Variants in ELOVL4 observed in about 807,000 individuals in gnomAD.
ELOVL4 encodes the protein very long chain fatty acid elongase 4.
In ELOVL4, 18 loss-of-function variants were observed where a neutral mutation model predicts 42.1. That is an observed-to-expected ratio of 0.43 (90% CI 0.30 to 0.63). The LOEUF (loss-of-function observed/expected upper bound fraction) is 0.63. ELOVL4 is among the 30% of genes least tolerant of loss of function. The pLI is 0.15. For synonymous variants in ELOVL4, 117 were observed against 127.0 expected, an observed-to-expected ratio of 0.92 and a Z score of 0.53; for missense variants, 299 against 376.2, an observed-to-expected ratio of 0.79 and a Z score of 1.70.
Position 79,932,232 on chromosome 6 carries a change from G to A in ELOVL4, c.101-5851C>T, listed in dbSNP as rs146834776. 2.5e-3 allele frequency among the ~76,000 whole-genome samples: 376 copies of A among 152,148 alleles called. 3 individuals are homozygous for A. Among genetic ancestry groups the A allele is most frequent in the Non-Finnish European group, 1.9e-3 (128 of 67,992 alleles). On this transcript the variant is annotated intron_variant, in intron 1 of 5. Transcript: ENST00000369816. ...AAAAGGAGTCAATTTTACTATTTGC[G>A]TATTATTCCTTTATAAAAAATGAGG... is the stretch of plus-strand genomic sequence containing the variant.
rs1342503645 is a variant in ELOVL4 at position 79,915,138 on chromosome 6, A to G, written c.*1470T>C. On this transcript the variant is annotated 3_prime_UTR_variant, in exon 6 of 6. Coordinates refer to ENST00000369816, the MANE Select transcript of ELOVL4 (RefSeq NM_022726.4). ...CATGCAGCTTTGACATGTTGTTGAG[A>G]TACTTAAGAAATATTCATGCTTTTT... 1 of 152,474 alleles carries G rather than the reference A, an allele frequency of 6.6e-6. No individual in the cohort carries two copies. The highest frequency in any genetic ancestry group is 1.5e-5 in the Non-Finnish European group (1 of 68,002). 9.4% of individuals were successfully genotyped at this position (152,474 alleles called of 1,614,324 possible).
intron 3 of ELOVL4, among the ~76,000 whole-genome samples, chr6:79,924,215 A>C (rs774792038): frequency 2.0e-5 from 3 of 152,174 alleles, no homozygotes; most frequent in Non-Finnish European, 4.4e-5. Context: ...ATGCCAATAC[A>C]AATTGTTCTA....
At chr6:79,940,689 A>C (rs1057034342) in intron 1 of ELOVL4, among the ~76,000 whole-genome samples, 3 of 152,216 alleles carry the variant, frequency 2.0e-5, no homozygotes, top group African/African-American at 7.2e-5. Flanking sequence ...CAACCCTCTC[A>C]CAGCACAGGT....
intron 1 of ELOVL4, among the ~76,000 whole-genome samples, chr6:79,929,411 TTG>T: frequency 6.6e-6 from 1 of 152,220 alleles, no homozygotes; most frequent in East Asian, 1.9e-4. Context: ...CTATTACTTT[TTG>T]TATTTTTTGT....
chr6:79,916,656 C>A lies in ELOVL4; in HGVS notation c.897G>T (p.Met299Ile), dbSNP rs1774166232. 1 of 1,614,126 alleles carries A rather than the reference C, an allele frequency of 6.2e-7. No homozygotes were observed. Among genetic ancestry groups the A allele is most frequent in the East Asian group, 2.2e-5 (1 of 44,880 alleles). Reference sequence around the variant, plus strand: ...TTTTCTGCTTTTTTCCATTTTCTATCATGAGTTGTTTTTCTGATTTGCTCA... The same window carrying A: ...TTTTCTGCTTTTTTCCATTTTCTATAATGAGTTGTTTTTCTGATTTGCTCA... ...NGVSKSEKQL[M>I]IENGKKQKNG... is the part of the protein sequence containing the mutation. Residue 299 changes from methionine to isoleucine, a missense_variant, in exon 6 of 6, where the codon ATG (methionine) becomes ATT (isoleucine). By Grantham distance (10) the Met-to-Ile change is conservative. Transcript: ENST00000369816.
chr6:79,921,978 GA>G (rs1246333916), intron 3 of ELOVL4, among the ~76,000 whole-genome samples, 182 bp from the exon 4 acceptor site: 1 of 152,140 alleles, frequency 6.6e-6, no homozygotes, highest in Non-Finnish European at 1.5e-5. Context: ...AAATAGAAAA[GA>G]AAGAGTCCAA....
chr6:79,937,974 C>A (rs1774575712), intron 1 of ELOVL4, among the ~76,000 whole-genome samples: 1 of 152,184 alleles, frequency 6.6e-6, no homozygotes, highest in Non-Finnish European at 1.5e-5. Context: ...AATGATCCAC[C>A]CGCCTCGGCC....
rs762319799 is a variant in ELOVL4 at position 79,926,374 on chromosome 6, A to G, written c.108T>C (p.Arg36=). 51 of 1,613,654 alleles carry G rather than the reference A, an allele frequency of 3.2e-5. No individual in the cohort carries two copies. Among genetic ancestry groups the G allele is most frequent in the Middle Eastern group, 1.6e-4 (1 of 6,082 alleles). Residue 36 remains arginine (R), a synonymous_variant, in exon 2 of 6, where the codon CGT becomes CGC. Transcript: ENST00000369816. ...ACTGCATCAGAGGCCAATTTTCCAC[A>G]CGCTTATCTATAGAGAGAACAAAAT... ...YRWTWSIADK[R]VENWPLMQSP...
At chr6:79,917,754 G>A (rs573830160) in intron 5 of ELOVL4, among the ~76,000 whole-genome samples, 1 of 152,230 alleles carries the variant, frequency 6.6e-6, no homozygotes, top group East Asian at 1.9e-4. Flanking sequence ...CCAGGAGGCG[G>A]AAGTTACAGT....
At chr6:79,923,225 T>C (rs1006325663) in intron 3 of ELOVL4, among the ~76,000 whole-genome samples, 1 of 151,686 alleles carries the variant, frequency 6.6e-6, no homozygotes, top group Non-Finnish European at 1.5e-5. Flanking sequence ...CAGAAATGAG[T>C]CTCTGCGTAA....
intron 1 of ELOVL4, among the ~76,000 whole-genome samples, chr6:79,936,404 A>T (rs919650353): frequency 2.0e-4 from 30 of 152,128 alleles, no homozygotes; most frequent in South Asian, 4.1e-4. Context: ...CAAAAAGGTT[A>T]CCTATTAGTA....
At chr6:79,938,775 G>T (rs903255495) in intron 1 of ELOVL4, among the ~76,000 whole-genome samples, 1 of 152,074 alleles carries the variant, frequency 6.6e-6, no homozygotes, top group African/African-American at 2.4e-5. Flanking sequence ...ACTTTGTTCA[G>T]ATTTAGTATT....
intron 3 of ELOVL4, among the ~76,000 whole-genome samples, chr6:79,923,645 C>T (rs768797269): frequency 6.6e-6 from 1 of 152,118 alleles, no homozygotes; most frequent in Non-Finnish European, 1.5e-5. Context: ...TTATTTCCTC[C>T]TTAGTCATTT....
Position 79,947,416 on chromosome 6 carries a change from C to T in ELOVL4, c.-137G>A. 1.4e-6 allele frequency: 1 copy of T among 708,422 alleles called. No homozygotes were observed. The highest frequency in any genetic ancestry group is 2.5e-6 in the Non-Finnish European group (1 of 401,034). The allele number at this position is 708,422 out of a possible 1,614,324, so 43.9% of individuals were successfully genotyped here. A position where few individuals can be genotyped will look rare whatever the true frequency, so the allele number is the denominator to read the frequency against. On this transcript the variant is annotated 5_prime_UTR_variant, in exon 1 of 6. Coordinates refer to ENST00000369816, the MANE Select transcript of ELOVL4 (RefSeq NM_022726.4). ...CGGCGGCGGCCCGGCTGCGTCTTCT[C>T]CTGCTCCTCAAGGCGCCGCGGCGGC... is the stretch of plus-strand genomic sequence containing the variant.
intron 1 of ELOVL4, among the ~76,000 whole-genome samples, chr6:79,932,147 T>G (rs1476941114): frequency 2.0e-5 from 3 of 152,194 alleles, no homozygotes; most frequent in Non-Finnish European, 4.4e-5. Context: ...TTATCTTTAT[T>G]AAAAGGTTAC....
chr6:79,943,441 C>T (rs1392629432), intron 1 of ELOVL4, among the ~76,000 whole-genome samples: 2 of 152,164 alleles, frequency 1.3e-5, no homozygotes, highest in African/African-American at 4.8e-5. Context: ...ACAGTACTCA[C>T]ATCAACTCCT....
At chr6:79,921,097 G>A (rs11758934) in intron 4 of ELOVL4, among the ~76,000 whole-genome samples, 3,460 of 151,918 alleles carry the variant, frequency 0.023, 40 homozygotes, top group Middle Eastern at 0.031. Flanking sequence ...CTCATCTCTG[G>A]GGCAAATCTT....
At chr6:79,934,403 G>A (rs1479252977) in intron 1 of ELOVL4, among the ~76,000 whole-genome samples, 1 of 151,840 alleles carries the variant, frequency 6.6e-6, no homozygotes, top group Admixed American at 6.6e-5. Flanking sequence ...TTTTAATGAG[G>A]AAATAGTTAC....
intron 1 of ELOVL4, among the ~76,000 whole-genome samples, chr6:79,934,854 ATCC>A: frequency 6.6e-6 from 1 of 152,326 alleles, no homozygotes; most frequent in East Asian, 1.9e-4. Context: ...CAACCACTAA[ATCC>A]TCCTCTATCT....
Sources: allele counts gnomAD v4.1 joint callset (sites outside exome capture counted in the v4.1 genomes callset), GRCh38; gene constraint gnomAD v4.1.1; transcripts MANE v1.5; gene names NCBI Gene and HGNC (gene_info 2026-07-23, HGNC 2026-07-21).